PSPC1: variants seen among roughly 807,000 people sequenced by gnomAD.
The protein encoded by PSPC1 is paraspeckle protein 1.
In PSPC1, 14 loss-of-function variants were observed where a neutral mutation model predicts 51.6. That is an observed-to-expected ratio of 0.27 (90% CI 0.18 to 0.42). The LOEUF is 0.42. Ranked by LOEUF, PSPC1 falls within the 10% of genes least tolerant of loss-of-function variation. The pLI, the probability that PSPC1 is intolerant of heterozygous loss-of-function variation, is 1.00. For synonymous variants in PSPC1, 193 were observed against 231.9 expected (o/e 0.83, Z 1.53); for missense variants, 406 against 701.1 (o/e 0.58, Z 4.75).
chr13:19,762,841 G>C (rs1284335678), intron 2 of PSPC1, among the ~76,000 whole-genome samples: 3 of 152,130 alleles, frequency 2.0e-5, no homozygotes, highest in Non-Finnish European at 1.5e-5. Flanking sequence ...GCCGGGCACG[G>C]TGGCTCACAG....
intron 6 of PSPC1, among the ~76,000 whole-genome samples, chr13:19,693,985 T>C (rs1490520657): frequency 1.3e-5 from 2 of 151,572 alleles, no homozygotes; most frequent in African/African-American, 4.8e-5. Context: ...TAGCCGGGTG[T>C]GGTGGCGGGC....
chr13:19,717,687 CAGAGAA>C (rs1882268522), intron 6 of PSPC1, among the ~76,000 whole-genome samples: 1 of 116,356 alleles, frequency 8.6e-6, no homozygotes, highest in African/African-American at 3.3e-5. Context: ...GCCTGGGCAA[CAGAGAA>C]AGACTCTGTC....
intron 6 of PSPC1, among the ~76,000 whole-genome samples, chr13:19,681,154 G>A (rs533063543): frequency 6.6e-6 from 1 of 152,274 alleles, no homozygotes; most frequent in African/African-American, 2.4e-5. Context: ...GCTCAAGGCT[G>A]CAGTGAGCTA....
At chr13:19,759,474 G>GTT in intron 2 of PSPC1, 56 bp from the exon 3 acceptor site, 1 of 1,166,540 alleles carries the variant, frequency 8.6e-7, no homozygotes, top group Non-Finnish European at 1.3e-6. Context: ...AATTAATACC[G>GTT]TCTTAAAAGA....
chr13:19,704,674 T>C (rs1229449174), intron 8 of PSPC1, among the ~76,000 whole-genome samples: 3 of 152,202 alleles, frequency 2.0e-5, no homozygotes, highest in Non-Finnish European at 4.4e-5. Context: ...CCGATTTATA[T>C]AGTGACAGAC....
At chr13:19,700,706 A>G (rs1341239381), downstream of PSPC1, among the ~76,000 whole-genome samples, 1 of 152,106 alleles carries the variant, frequency 6.6e-6, no homozygotes, top group Non-Finnish European at 1.5e-5. Flanking sequence ...TAAACTCAGT[A>G]CTTCAAATCA....
intron 5 of PSPC1, among the ~76,000 whole-genome samples, chr13:19,739,501 A>G (rs1885193713): frequency 6.6e-6 from 1 of 152,138 alleles, no homozygotes; most frequent in African/African-American, 2.4e-5. Context: ...TAATCCCAGC[A>G]CTTTGGGAGG....
chr13:19,761,017 G>A lies in PSPC1; in HGVS notation c.675-1599C>T, dbSNP rs1311962156. ...TAAAAAAAAAAAAAATTTAAAATTAGCCAGGTAGCATACACTACTCAGGAG... is the reference window on the plus strand; with the variant it reads ...TAAAAAAAAAAAAAATTTAAAATTAACCAGGTAGCATACACTACTCAGGAG... On this transcript the variant is annotated intron_variant, in intron 2 of 8. Coordinates refer to ENST00000338910, the MANE Select transcript of PSPC1 (RefSeq NM_001354909.2). Among the ~76,000 whole-genome samples, 5 of 151,614 alleles carry A rather than the reference G, an allele frequency of 3.3e-5. No homozygotes were observed. In the Admixed American group the frequency reaches 3.3e-4, roughly 10 times the overall value.
intron 6 of PSPC1, among the ~76,000 whole-genome samples, chr13:19,711,844 CAA>C (rs1469656993): frequency 5.5e-5 from 7 of 127,256 alleles, no homozygotes; most frequent in Non-Finnish European, 5.1e-5. Context: ...AACTCTGTCT[CAA>C]AAAAAAAAAA....
At chr13:19,715,559 A>G (rs1365860754) in intron 6 of PSPC1, among the ~76,000 whole-genome samples, 1 of 152,190 alleles carries the variant, frequency 6.6e-6, no homozygotes, top group African/African-American at 2.4e-5. Context: ...TGATGGGTCT[A>G]AGTCAAAATG....
intron 1 of PSPC1, among the ~76,000 whole-genome samples, chr13:19,779,071 T>TGGGAGGTGA (rs1889561462): frequency 8.8e-6 from 1 of 113,234 alleles, no homozygotes; most frequent in African/African-American, 3.3e-5. Flanking sequence ...AGACCCCGTC[T>TGGGAGGTGA]GGGAGGTGAG....
At chr13:19,684,941 TAA>T (rs750897717) in intron 6 of PSPC1, among the ~76,000 whole-genome samples, 21 of 152,222 alleles carry the variant, frequency 1.4e-4, no homozygotes, top group Admixed American at 7.2e-4. Flanking sequence ...ACACATCTTC[TAA>T]AAAGAGACTA....
intron 3 of PSPC1, among the ~76,000 whole-genome samples, chr13:19,758,323 A>C (rs1168606429): frequency 6.6e-6 from 1 of 152,100 alleles, no homozygotes; most frequent in Non-Finnish European, 1.5e-5. Context: ...AAAAAAAAAA[A>C]AGTGCACTCA....
intron 8 of PSPC1, among the ~76,000 whole-genome samples, chr13:19,704,317 C>T (rs951351258): frequency 6.6e-6 from 1 of 151,956 alleles, no homozygotes; most frequent in African/African-American, 2.4e-5. Context: ...ACTGCCTCAT[C>T]TCCCTGTATA....
chr13:19,696,499 G>GCACACACACA (rs34350489), intron 6 of PSPC1, among the ~76,000 whole-genome samples: 1 of 147,450 alleles, frequency 6.8e-6, no homozygotes, highest in African/African-American at 2.5e-5. Context: ...ACACACACAC[G>GCACACACACA]CACACACACA....
At chr13:19,736,351 T>C (rs942669013) in intron 5 of PSPC1, among the ~76,000 whole-genome samples, 2 of 152,088 alleles carry the variant, frequency 1.3e-5, no homozygotes, top group African/African-American at 4.8e-5. Flanking sequence ...TGCCCCTGTA[T>C]ACTGAGATTA....
downstream of PSPC1, chr13:19,673,084 T>G (rs1401776009): frequency 3.9e-5 from 14 of 362,648 alleles, no homozygotes; most frequent in Admixed American, 6.6e-5. Flanking sequence ...TTGGAACCTA[T>G]ACGGTTTTTT....
intron 6 of PSPC1, 152 bp downstream of exon 6, chr13:19,730,087 T>C: frequency 1.7e-6 from 1 of 599,692 alleles, no homozygotes; most frequent in South Asian, 2.6e-5. Context: ...TTACCACCTA[T>C]GAGAGGTTAA....
rs78320215 is a variant in PSPC1, at chr13:19,732,406, C to A, written c.1053-2062G>T. ...TCTCATTTAAAAAAGGGTCAATATACTCATAATATACCAATACTACTTATA... is the reference window on the plus strand; with the variant it reads ...TCTCATTTAAAAAAGGGTCAATATAATCATAATATACCAATACTACTTATA... On this transcript the variant is annotated intron_variant, in intron 5 of 8. Coordinates refer to ENST00000338910, the MANE Select transcript of PSPC1 (RefSeq NM_001354909.2). 8.9e-3 allele frequency among the ~76,000 whole-genome samples: 1,358 copies of A among 152,210 alleles called. 26 individuals carry two copies. The highest frequency in any genetic ancestry group is 0.03 in the African/African-American group (1,256 of 41,510).
Sources: gnomAD v4.1 joint callset for allele counts (sites outside exome capture counted in the v4.1 genomes callset) on GRCh38, gnomAD v4.1.1 for gene constraint, MANE v1.5 for transcripts, NCBI Gene and HGNC (gene_info 2026-07-23, HGNC 2026-07-21) for gene names.